Variants in RBMS1 observed in about 807,000 individuals in gnomAD.
RBMS1 encodes RNA-binding motif, single-stranded-interacting protein 1.
A neutral mutation model predicts 62.3 loss-of-function variants in RBMS1; 17 were observed. The observed-to-expected ratio is 0.27, with a 90% confidence interval of 0.19 to 0.41. The LOEUF (loss-of-function observed/expected upper bound fraction) is 0.41. Ranked by LOEUF, RBMS1 falls within the 10% of genes least tolerant of loss-of-function variation. RBMS1 has a pLI of 1.00. For missense variants in RBMS1, 334 were observed against 504.5 expected (o/e 0.66, Z 3.24); for synonymous variants, 172 against 170.0 (o/e 1.01, Z -0.09).
chr2:160,451,292 CT>C lies in RBMS1; in HGVS notation c.75+41996del, dbSNP rs535817064. Among the ~76,000 whole-genome samples the C allele has an allele frequency of 7.9e-5, 12 of 152,236 alleles. No homozygotes were observed. The East Asian group carries it at 1.7e-3, about 22-fold the overall frequency. On this transcript the variant is annotated intron_variant, in intron 1 of 13. Transcript: ENST00000348849. ...TGCTTGTGTTAAACCAATGTTTGCT[CT>C]TTGGGTGTTGGTTGTTTTGTTCAAA...
intron 1 of RBMS1, among the ~76,000 whole-genome samples, chr2:160,401,145 G>C (rs191381493): frequency 1.5e-3 from 227 of 152,148 alleles, no homozygotes; most frequent in Non-Finnish European, 2.5e-3. Context: ...TAATATTTTG[G>C]CATATTTCCT....
intron 1 of RBMS1, among the ~76,000 whole-genome samples, chr2:160,435,461 T>C (rs1474133937): frequency 6.6e-6 from 1 of 152,242 alleles, no homozygotes; most frequent in Non-Finnish European, 1.5e-5. Context: ...TGATTGCTAT[T>C]CCACATCTCT....
At chr2:160,386,232 T>C (rs1214076236) in intron 1 of RBMS1, among the ~76,000 whole-genome samples, 1 of 152,200 alleles carries the variant, frequency 6.6e-6, no homozygotes, top group Non-Finnish European at 1.5e-5. Context: ...ACCCCTAATG[T>C]AATAGTATAG....
At chr2:160,371,429 T>C (rs895489936) in intron 1 of RBMS1, among the ~76,000 whole-genome samples, 33 of 152,268 alleles carry the variant, frequency 2.2e-4, no homozygotes, top group Non-Finnish European at 4.0e-4. Flanking sequence ...GCATGCTAAG[T>C]GCCCACTCAT....
intron 2 of RBMS1, among the ~76,000 whole-genome samples, chr2:160,361,946 G>A (rs1198998132): frequency 6.6e-6 from 1 of 152,236 alleles, no homozygotes; most frequent in Non-Finnish European, 1.5e-5. Context: ...TGACTGATCA[G>A]AGTGGTGGCG....
At chr2:160,456,306 T>C (rs1230807278) in intron 1 of RBMS1, among the ~76,000 whole-genome samples, 11 of 152,236 alleles carry the variant, frequency 7.2e-5, no homozygotes, top group Admixed American at 7.2e-4. Context: ...GTCGTCTTTT[T>C]CTTTCCACTG....
At chr2:160,326,192 T>C (rs62177270) in intron 2 of RBMS1, among the ~76,000 whole-genome samples, 11,550 of 152,096 alleles carry the variant, frequency 0.076, 618 homozygotes, top group South Asian at 0.19. Flanking sequence ...ATAAGTACAG[T>C]CAAGAAAGGA....
chr2:160,426,281 G>GGAAGA (rs1682595441), intron 1 of RBMS1, among the ~76,000 whole-genome samples: 3 of 108,886 alleles, frequency 2.8e-5, no homozygotes, highest in African/African-American at 3.8e-5. Flanking sequence ...AAGAAAGAAA[G>GGAAGA]AAAGAAAGAA....
At chr2:160,432,961 C>G (rs1682959232) in intron 1 of RBMS1, among the ~76,000 whole-genome samples, 1 of 152,170 alleles carries the variant, frequency 6.6e-6, no homozygotes, top group African/African-American at 2.4e-5. Context: ...GGAAATCACC[C>G]TAGTTGCCCA....
At chr2:160,439,940 AG>A (rs1336118972) in intron 1 of RBMS1, among the ~76,000 whole-genome samples, 4 of 151,980 alleles carry the variant, frequency 2.6e-5, no homozygotes, top group Non-Finnish European at 5.9e-5. Flanking sequence ...CTGCAATCGC[AG>A]GCACTCGGCA....
intron 1 of RBMS1, among the ~76,000 whole-genome samples, chr2:160,425,483 A>T (rs1248278497): frequency 6.6e-6 from 1 of 152,158 alleles, no homozygotes. Flanking sequence ...GGTACTGTGC[A>T]TGGAGAAGGA....
At chr2:160,298,151 T>G (rs948092178) in intron 6 of RBMS1, among the ~76,000 whole-genome samples, 12 of 151,534 alleles carry the variant, frequency 7.9e-5, no homozygotes, top group African/African-American at 2.7e-4. Flanking sequence ...GAAAGAAAAA[T>G]TTGGGGACTT....
At position 160,335,892 on chromosome 2, in the gene RBMS1, T is replaced by A. The variant is rs76157612; in HGVS notation, c.252-17665A>T. Among the ~76,000 whole-genome samples, 1,211 of 152,300 alleles carry A rather than the reference T, an allele frequency of 8.0e-3. 24 individuals are homozygous for A. Among genetic ancestry groups the A allele is most frequent in the African/African-American group, 0.027 (1,135 of 41,560 alleles). ...ACAGCTGACAAAGAGGACCATTCAT[T>A]AAAAGTATAATTTGGAATGGTCACT... is the stretch of plus-strand genomic sequence containing the variant. On this transcript the variant is annotated intron_variant, in intron 2 of 13. Coordinates refer to ENST00000348849, the MANE Select transcript of RBMS1 (RefSeq NM_016836.4).
chr2:160,487,078 TTAACA>T lies in RBMS1; in HGVS notation c.75+6206_75+6210del, dbSNP rs551959427. ...TTGAATATGAAACTTTAAGGAGAAG[TTAACA>T]TAAAGTACAAAAAAATTATTCGTTT... On this transcript the variant is annotated intron_variant, in intron 1 of 13. Coordinates refer to ENST00000348849, the MANE Select transcript of RBMS1 (RefSeq NM_016836.4). 1.3e-3 allele frequency among the ~76,000 whole-genome samples: 197 copies of T among 152,216 alleles called. 1 individual carries two copies. Among genetic ancestry groups the T allele is most frequent in the South Asian group, 0.01 (50 of 4,824 alleles).
At position 160,298,622 on chromosome 2, in the gene RBMS1, G is replaced by C. The variant is rs558635284; in HGVS notation, c.640+2029C>G. ...AAGGGAGGACGCACTTCATGGATGA[G>C]TGAGGGGCCAGCAGTCCCAAATACA... is the stretch of plus-strand genomic sequence containing the variant. On this transcript the variant is annotated intron_variant, in intron 6 of 13. Coordinates refer to ENST00000348849, the MANE Select transcript of RBMS1 (RefSeq NM_016836.4). Among the ~76,000 whole-genome samples the C allele has an allele frequency of 2.0e-5, 3 of 152,304 alleles. No homozygotes were observed. The South Asian group carries it at 6.2e-4, about 32-fold the overall frequency.
intron 4 of RBMS1, among the ~76,000 whole-genome samples, chr2:160,308,090 CAG>C (rs1260961117): frequency 2.6e-5 from 4 of 152,122 alleles, no homozygotes; most frequent in Non-Finnish European, 4.4e-5. Flanking sequence ...CACCCAAGCA[CAG>C]GGGCTGGACT....
chr2:160,448,506 G>A (rs1341606248), intron 1 of RBMS1, among the ~76,000 whole-genome samples: 3 of 152,240 alleles, frequency 2.0e-5, no homozygotes, highest in Non-Finnish European at 4.4e-5. Flanking sequence ...GTGTTGGCCG[G>A]GCTGGTCTCC....
intron 1 of RBMS1, among the ~76,000 whole-genome samples, chr2:160,412,013 T>C (rs577570314): frequency 2.0e-5 from 3 of 152,340 alleles, no homozygotes; most frequent in East Asian, 3.9e-4. Flanking sequence ...TTTTTCTTCA[T>C]CTGTTTTTGT....
chr2:160,400,380 A>G (rs1336670330), intron 1 of RBMS1, among the ~76,000 whole-genome samples: 1 of 152,044 alleles, frequency 6.6e-6, no homozygotes, highest in Non-Finnish European at 1.5e-5. Context: ...AAAAAAAAAA[A>G]AGAAGCTAAG....
Sources: allele counts gnomAD v4.1 joint callset (sites outside exome capture counted in the v4.1 genomes callset), GRCh38; gene constraint gnomAD v4.1.1; transcripts MANE v1.5; gene names NCBI Gene and HGNC (gene_info 2026-07-23, HGNC 2026-07-21).